Variants in PTPRD observed in about 807,000 individuals in gnomAD.
The protein encoded by PTPRD is protein tyrosine phosphatase receptor type D.
PTPRD carries 34 observed loss-of-function variants against 214.5 expected under a neutral mutation model. The observed-to-expected ratio is 0.16, with a 90% CI of 0.12 to 0.21. PTPRD has a LOEUF of 0.21. PTPRD is among the 10% of genes least tolerant of loss of function. PTPRD has a pLI of 1.00. For synonymous variants in PTPRD, 1,128 were observed against 845.7 expected, an observed-to-expected ratio of 1.33 and a Z score of -5.79; for missense variants, 2,545 against 2,398.7, an observed-to-expected ratio of 1.06 and a Z score of -1.27.
At chr9:9,027,436 G>C (rs1381546487) in intron 10 of PTPRD, among the ~76,000 whole-genome samples, 1 of 151,864 alleles carries the variant, frequency 6.6e-6, no homozygotes, top group Admixed American at 6.6e-5. Context: ...TACTGATTGA[G>C]TTTAAGAATC....
intron 2 of PTPRD, among the ~76,000 whole-genome samples, chr9:10,388,153 T>G (rs557010808): frequency 7.9e-5 from 12 of 151,868 alleles, no homozygotes; most frequent in African/African-American, 2.7e-4. Context: ...AATGGAAATG[T>G]AAATATAAAT....
chr9:9,672,491 G>A (rs538582001), intron 7 of PTPRD, among the ~76,000 whole-genome samples: 1 of 152,190 alleles, frequency 6.6e-6, no homozygotes, highest in East Asian at 1.9e-4. Flanking sequence ...ATGAAGCACA[G>A]AAGCCCAGCA....
At chr9:9,792,299 T>A (rs1247448989) in intron 5 of PTPRD, among the ~76,000 whole-genome samples, 8 of 152,140 alleles carry the variant, frequency 5.3e-5, no homozygotes, top group Non-Finnish European at 1.2e-4. Context: ...AATTTAACTG[T>A]CTTATTTCAT....
At chr9:9,763,719 T>G (rs558500345) in intron 6 of PTPRD, among the ~76,000 whole-genome samples, 100 of 152,252 alleles carry the variant, frequency 6.6e-4, no homozygotes, top group Non-Finnish European at 1.2e-3. Flanking sequence ...CTATCATTGT[T>G]TGACTTCAGA....
chr9:9,934,188 C>G (rs2088115224), intron 5 of PTPRD, among the ~76,000 whole-genome samples: 1 of 147,900 alleles, frequency 6.8e-6, no homozygotes, highest in South Asian at 2.1e-4. Flanking sequence ...CAAGAGCAAA[C>G]ACATTCAAAA....
At chr9:8,358,082 C>T (rs562579396) in intron 39 of PTPRD, among the ~76,000 whole-genome samples, 1 of 152,254 alleles carries the variant, frequency 6.6e-6, no homozygotes, top group South Asian at 2.1e-4. Flanking sequence ...TGGATTGTGA[C>T]ACTTCTACTC....
intron 2 of PTPRD, among the ~76,000 whole-genome samples, chr9:10,438,549 G>A (rs1214284243): frequency 1.3e-5 from 2 of 151,464 alleles, no homozygotes; most frequent in Non-Finnish European, 3.0e-5. Flanking sequence ...CACTCCCAAG[G>A]TTGTCTGGCA....
intron 11 of PTPRD, among the ~76,000 whole-genome samples, chr9:8,996,137 CTT>C (rs2099395695): frequency 6.6e-6 from 1 of 152,080 alleles, no homozygotes; most frequent in South Asian, 2.1e-4. Context: ...AAGAAGAAAA[CTT>C]AGGTTCTCAC....
At chr9:9,715,067 T>C (rs1343214985) in intron 7 of PTPRD, among the ~76,000 whole-genome samples, 2 of 152,204 alleles carry the variant, frequency 1.3e-5, no homozygotes, top group Admixed American at 1.3e-4. Context: ...GAGAAGAAAT[T>C]AGAAGACCTG....
At chr9:9,259,254 G>C (rs1375939140) in intron 9 of PTPRD, among the ~76,000 whole-genome samples, 1 of 151,812 alleles carries the variant, frequency 6.6e-6, no homozygotes, top group African/African-American at 2.4e-5. Context: ...TTTATAAAAA[G>C]CTATGTGAGA....
At chr9:9,667,310 C>T (rs1295013789) in intron 7 of PTPRD, among the ~76,000 whole-genome samples, 1 of 151,936 alleles carries the variant, frequency 6.6e-6, no homozygotes, top group Non-Finnish European at 1.5e-5. Context: ...GAGATCTTCC[C>T]ATTCATCATT....
At chr9:9,240,124 G>C (rs185830126) in intron 9 of PTPRD, among the ~76,000 whole-genome samples, 4 of 152,022 alleles carry the variant, frequency 2.6e-5, no homozygotes, top group Non-Finnish European at 5.9e-5. Flanking sequence ...TGGAATAAAA[G>C]TTTGTAAGTA....
intron 3 of PTPRD, among the ~76,000 whole-genome samples, chr9:10,198,005 C>A (rs1268994223): frequency 6.6e-6 from 1 of 151,964 alleles, no homozygotes; most frequent in Admixed American, 6.6e-5. Flanking sequence ...TTATTTTCAA[C>A]CTAGAGATAA....
intron 9 of PTPRD, among the ~76,000 whole-genome samples, chr9:9,283,005 T>G (rs1032652227): frequency 6.6e-5 from 10 of 151,522 alleles, no homozygotes; most frequent in African/African-American, 9.7e-5. Flanking sequence ...CTCATCTGAC[T>G]CTTATCTTGA....
At chr9:9,708,546 T>C (rs1441066799) in intron 7 of PTPRD, among the ~76,000 whole-genome samples, 1 of 152,076 alleles carries the variant, frequency 6.6e-6, no homozygotes, top group African/African-American at 2.4e-5. Flanking sequence ...ATCACTGTCA[T>C]TGAGTGTGAA....
chr9:9,868,785 T>C (rs1314299300), intron 5 of PTPRD, among the ~76,000 whole-genome samples: 1 of 151,908 alleles, frequency 6.6e-6, no homozygotes, highest in East Asian at 1.9e-4. Flanking sequence ...AAATGACTTA[T>C]AAACAATAAA....
chr9:8,769,001 G>A (rs1188127856), intron 11 of PTPRD, among the ~76,000 whole-genome samples: 3 of 152,168 alleles, frequency 2.0e-5, no homozygotes, highest in Non-Finnish European at 2.9e-5. Context: ...ACATGGCAGG[G>A]AGGCACAGGG....
At chr9:8,439,862 C>T (rs1335037072) in intron 34 of PTPRD, among the ~76,000 whole-genome samples, 1 of 151,464 alleles carries the variant, frequency 6.6e-6, no homozygotes, top group Non-Finnish European at 1.5e-5. Flanking sequence ...GGCAACCTGA[C>T]CACTGCTCAG....
At chr9:9,969,184 G>T (rs2094921247) in intron 4 of PTPRD, among the ~76,000 whole-genome samples, 1 of 152,140 alleles carries the variant, frequency 6.6e-6, no homozygotes, top group Non-Finnish European at 1.5e-5. Context: ...TGAGAGCTGA[G>T]GATAGGATTT....
Sources: allele counts gnomAD v4.1 joint callset (sites outside exome capture counted in the v4.1 genomes callset), GRCh38; gene constraint gnomAD v4.1.1; transcripts MANE v1.5; gene names NCBI Gene and HGNC (gene_info 2026-07-23, HGNC 2026-07-21).